Variants in NHLRC2 observed in about 807,000 individuals in gnomAD.
NHLRC2 encodes NHL repeat containing 2, also known as NHL repeat-containing protein 2.
A neutral mutation model predicts 68.1 loss-of-function variants in NHLRC2; 33 were observed. That is an observed-to-expected ratio of 0.48 (90% CI 0.37 to 0.65). The LOEUF is 0.65. Ranked by LOEUF, NHLRC2 falls within the 30% of genes least tolerant of loss-of-function variation. The pLI is 0.00. For synonymous variants in NHLRC2, 311 were observed against 309.6 expected (o/e 1.00, Z -0.05); for missense variants, 761 against 853.8 (o/e 0.89, Z 1.35).
intron 1 of NHLRC2, among the ~76,000 whole-genome samples, chr10:113,855,337 G>C (rs1845737583): frequency 1.3e-5 from 2 of 152,222 alleles, no homozygotes; most frequent in Non-Finnish European, 1.5e-5. Context: ...AATATTTAGT[G>C]TCCCCGGTGG....
intron 6 of NHLRC2, among the ~76,000 whole-genome samples, 161 bp from the exon 7 acceptor site, chr10:113,901,505 A>T (rs1846228780): frequency 6.6e-6 from 1 of 152,204 alleles, no homozygotes; most frequent in Non-Finnish European, 1.5e-5. Flanking sequence ...AAAAATGATA[A>T]TGAAAGCTGA....
In NHLRC2 at chr10:113,912,742, G is replaced by A. The variant is rs1443878209; in HGVS notation, c.*4206G>A. ...ATGTTAGTTTACAGAGGAGGAGACA[G>A]CTTTGGAATAGTGGTGACGTATCTG... On this transcript the variant is annotated 3_prime_UTR_variant, in exon 11 of 11. Transcript: ENST00000369301. 1 of 152,348 alleles carries A rather than the reference G, an allele frequency of 6.6e-6. No homozygotes were observed. Among genetic ancestry groups the A allele is most frequent in the Non-Finnish European group, 1.5e-5 (1 of 68,032 alleles). The allele number at this position is 152,348 out of a possible 1,614,324, so 9.4% of individuals were successfully genotyped here.
chr10:113,877,906 G>GA, intron 3 of NHLRC2, among the ~76,000 whole-genome samples: 1 of 152,064 alleles, frequency 6.6e-6, no homozygotes, highest in East Asian at 1.9e-4. Flanking sequence ...GCAGTTACGA[G>GA]AATTGAATTG....
chr10:113,881,958 T>G (rs1391886279), intron 4 of NHLRC2, among the ~76,000 whole-genome samples: 1 of 151,808 alleles, frequency 6.6e-6, no homozygotes, highest in South Asian at 2.1e-4. Flanking sequence ...TATATTTTCT[T>G]GTATTTGGCT....
At chr10:113,877,775 A>G (rs1479173918) in intron 3 of NHLRC2, among the ~76,000 whole-genome samples, 2 of 152,196 alleles carry the variant, frequency 1.3e-5, no homozygotes, top group Non-Finnish European at 2.9e-5. Flanking sequence ...TGTTCCTAAT[A>G]TAAAAAAGCT....
intron 5 of NHLRC2, among the ~76,000 whole-genome samples, chr10:113,887,848 TG>T (rs955368542): frequency 5.3e-5 from 8 of 152,064 alleles, no homozygotes; most frequent in African/African-American, 1.9e-4. Flanking sequence ...CATGACAACA[TG>T]GATGGAAGCA....
chr10:113,888,723 T>C (rs1229264791), intron 5 of NHLRC2, among the ~76,000 whole-genome samples: 1 of 152,164 alleles, frequency 6.6e-6, no homozygotes, highest in Non-Finnish European at 1.5e-5. Context: ...GCAGATACAT[T>C]GTAATGTTTC....
intron 4 of NHLRC2, among the ~76,000 whole-genome samples, chr10:113,880,659 A>G (rs1846029324): frequency 6.6e-6 from 1 of 151,932 alleles, no homozygotes; most frequent in African/African-American, 2.4e-5. Flanking sequence ...CATATAATAT[A>G]TAATAATATC....
chr10:113,886,622 A>G (rs1264697103), intron 5 of NHLRC2, among the ~76,000 whole-genome samples: 2 of 152,220 alleles, frequency 1.3e-5, no homozygotes, highest in Non-Finnish European at 2.9e-5. Flanking sequence ...TGCCAAGAAC[A>G]CACAATGAGG....
chr10:113,905,580 A>G lies in NHLRC2; in HGVS notation c.1924+544A>G, dbSNP rs865908460. 6.6e-5 allele frequency among the ~76,000 whole-genome samples: 10 copies of G among 152,162 alleles called. No homozygotes were observed. The South Asian group carries it at 2.1e-3, about 32-fold the overall frequency. ...CTGTAACCTGGTGGACAAAAATTTT[A>G]AAGTGAAATTTTAGTGGTTCAGAAC... On this transcript the variant is annotated intron_variant, in intron 10 of 10. Transcript: ENST00000369301.
At chr10:113,889,780 CTGTTCTCTGTCATCTTTCA>C (rs1846115078) in intron 5 of NHLRC2, among the ~76,000 whole-genome samples, 1 of 152,142 alleles carries the variant, frequency 6.6e-6, no homozygotes. Flanking sequence ...GATCTCTTTC[CTGTTCTCTGTCATCTTTCA>C]TGTCTGGCTT....
At chr10:113,900,304 A>G (rs542320783) in intron 6 of NHLRC2, among the ~76,000 whole-genome samples, 2 of 152,240 alleles carry the variant, frequency 1.3e-5, no homozygotes, top group Non-Finnish European at 2.9e-5. Context: ...GCAAGAGATG[A>G]TAGTAGCCTG....
intron 5 of NHLRC2, among the ~76,000 whole-genome samples, chr10:113,889,024 A>G (rs1846106607): frequency 6.6e-6 from 1 of 151,942 alleles, no homozygotes; most frequent in Admixed American, 6.6e-5. Flanking sequence ...ATGGGGTTTC[A>G]CCATGTTGGC....
At chr10:113,880,412 T>C (rs1319715635) in intron 4 of NHLRC2, among the ~76,000 whole-genome samples, 1 of 151,966 alleles carries the variant, frequency 6.6e-6, no homozygotes, top group Non-Finnish European at 1.5e-5. Context: ...TCACATTCCA[T>C]TGTAGATGTA....
intron 2 of NHLRC2, among the ~76,000 whole-genome samples, chr10:113,862,529 T>C (rs1293355140): frequency 6.6e-6 from 1 of 150,882 alleles, no homozygotes; most frequent in Non-Finnish European, 1.5e-5. Context: ...AAAAAAGCTC[T>C]AAGGCATGTA....
chr10:113,889,132 C>A (rs1846108990), intron 5 of NHLRC2, among the ~76,000 whole-genome samples: 1 of 151,910 alleles, frequency 6.6e-6, no homozygotes, highest in Admixed American at 6.6e-5. Context: ...CAGCCAAAAC[C>A]CCTATCAGTA....
intron 5 of NHLRC2, among the ~76,000 whole-genome samples, chr10:113,889,166 T>A (rs1018200376): frequency 6.6e-6 from 1 of 152,178 alleles, no homozygotes; most frequent in Non-Finnish European, 1.5e-5. Flanking sequence ...AGACTTTACC[T>A]GATTTTGAGT....
Position 113,910,669 on chromosome 10 carries a change from T to C in NHLRC2, c.*2133T>C, listed in dbSNP as rs1846319066. 6.6e-6 allele frequency: 1 copy of C among 152,238 alleles called. No individual in the cohort carries two copies. The highest frequency in any genetic ancestry group is 1.5e-5 in the Non-Finnish European group (1 of 68,042). The allele number at this position is 152,238 out of a possible 1,614,324, so 9.4% of individuals were successfully genotyped here. ...ATTTACTAATTTAGAAATATCTGAG[T>C]TTATTTTTCAATATAATATACAAAC... On this transcript the variant is annotated 3_prime_UTR_variant, in exon 11 of 11. Transcript: ENST00000369301.
chr10:113,902,403 C>A, intron 7 of NHLRC2, 68 bp from the exon 8 acceptor site: 1 of 1,061,384 alleles, frequency 9.4e-7, no homozygotes, highest in East Asian at 2.5e-5. Flanking sequence ...AATTTTCCTT[C>A]ATATTCTAAC....
Sources: allele counts gnomAD v4.1 joint callset (sites outside exome capture counted in the v4.1 genomes callset), GRCh38; gene constraint gnomAD v4.1.1; transcripts MANE v1.5; gene names NCBI Gene and HGNC (gene_info 2026-07-23, HGNC 2026-07-21).